Variants in PDZD9 observed in about 807,000 individuals in gnomAD.
The protein encoded by PDZD9 is PDZ domain containing 9.
In PDZD9, 13 loss-of-function variants were observed where a neutral mutation model predicts 16.3. The observed-to-expected ratio is 0.80, with a 90% CI of 0.52 to 1.27. The LOEUF (loss-of-function observed/expected upper bound fraction) is 1.27. Ranked by LOEUF, PDZD9 falls within the 50% of genes most tolerant of loss-of-function variation. PDZD9 has a pLI of 0.00. For missense variants in PDZD9, 288 were observed against 310.9 expected (o/e 0.93, Z 0.55); for synonymous variants, 120 against 111.0 (o/e 1.08, Z -0.51).
At chr16:21,957,541 A>G in the PDZD9 span, 3 of 1,613,932 alleles carry the variant, frequency 1.9e-6, no homozygotes, top group Admixed American at 5.0e-5. Flanking sequence ...GGAACCACCC[A>G]TTTGCTGCGT....
At chr16:21,993,644 G>GTAGGGAGA (rs1175139373) in intron 2 of PDZD9, among the ~76,000 whole-genome samples, 1 of 152,126 alleles carries the variant, frequency 6.6e-6, no homozygotes, top group Non-Finnish European at 1.5e-5. Context: ...TCAAAAACCT[G>GTAGGGAGA]TAGGGAGATA....
intron 1 of PDZD9, among the ~76,000 whole-genome samples, 175 bp downstream of exon 1, chr16:22,000,840 GAT>G (rs1899278896): frequency 6.6e-6 from 1 of 150,728 alleles, no homozygotes; most frequent in Non-Finnish European, 1.5e-5. Context: ...TGATGATGAT[GAT>G]GATGATGATG....
downstream of PDZD9, among the ~76,000 whole-genome samples, chr16:21,981,151 C>A (rs954331045): frequency 2.6e-5 from 4 of 152,138 alleles, no homozygotes; most frequent in African/African-American, 9.7e-5. Flanking sequence ...AATATTTCAC[C>A]ATCTAGCATC....
intron 2 of PDZD9, among the ~76,000 whole-genome samples, chr16:21,995,491 G>C (rs1301062076): frequency 1.8e-4 from 27 of 152,218 alleles, no homozygotes; most frequent in Admixed American, 1.8e-3. Flanking sequence ...TGGAATTACA[G>C]GTGTAAGCCA....
At position 21,984,436 on chromosome 16, in the gene PDZD9, T is replaced by C. The variant is rs865980860; in HGVS notation, c.626A>G (p.His209Arg). 1 of 1,614,020 alleles carries C rather than the reference T, an allele frequency of 6.2e-7. No homozygotes were observed. Among genetic ancestry groups the C allele is most frequent in the South Asian group, 1.1e-5 (1 of 91,084 alleles). ...GKDINCDVMI[H>R]RDDKKEVRAP... is the part of the protein sequence containing the mutation. ...CCTCACTTCTTTCTTGTCGTCTCTG[T>C]GAATCATCACGTCACAATTAATGTC... Residue 209 changes from histidine (H) to arginine (R), a missense_variant, in exon 4 of 4, where the codon CAC (histidine) becomes CGC (arginine). Coordinates refer to ENST00000424898, the MANE Select transcript of PDZD9 (RefSeq NM_001363519.1).
chr16:22,000,879 G>GATGATA (rs1448502730), intron 1 of PDZD9, 138 bp downstream of exon 1: 1 of 671,248 alleles, frequency 1.5e-6, no homozygotes, highest in African/African-American at 1.9e-5. Context: ...TGATGATAAT[G>GATGATA]ATGATGATGA....
chr16:21,983,165 G>A, downstream of PDZD9: 13 of 1,613,910 alleles, frequency 8.1e-6, no homozygotes, highest in Non-Finnish European at 1.1e-5. Flanking sequence ...TTGTTGATGA[G>A]TTGTAATACT....
At chr16:21,976,195 A>C in the PDZD9 span, 4 of 1,614,028 alleles carry the variant, frequency 2.5e-6, no homozygotes, top group Non-Finnish European at 3.4e-6. Flanking sequence ...AATCAAGTAA[A>C]AACAATAGCT....
chr16:21,990,152 C>T (rs975754133), intron 2 of PDZD9, among the ~76,000 whole-genome samples: 1 of 152,068 alleles, frequency 6.6e-6, no homozygotes, highest in Non-Finnish European at 1.5e-5. Context: ...AATGAGGAAC[C>T]CTGGCTGCTA....
intron 2 of PDZD9, among the ~76,000 whole-genome samples, chr16:21,993,892 A>G (rs1175886623): frequency 6.6e-6 from 1 of 152,146 alleles, no homozygotes. Flanking sequence ...GTTGGGCTCA[A>G]TGGCTCACAC....
chr16:21,957,566 G>T, the PDZD9 span: 1 of 1,613,812 alleles, frequency 6.2e-7, no homozygotes, highest in Non-Finnish European at 8.5e-7. Flanking sequence ...CATCCAGTCT[G>T]GTGAGTATCT....
the PDZD9 span, chr16:21,958,407 A>C: frequency 1.3e-6 from 1 of 795,918 alleles, no homozygotes. Flanking sequence ...ATAATTCTTA[A>C]CTAAAAAGGA....
At chr16:21,978,962 A>G (rs1898651101), downstream of PDZD9, among the ~76,000 whole-genome samples, 1 of 152,162 alleles carries the variant, frequency 6.6e-6, no homozygotes, top group Non-Finnish European at 1.5e-5. Flanking sequence ...CACCCCCGAA[A>G]CCTGCCAAAA....
chr16:21,961,665 T>C, the PDZD9 span, among the ~76,000 whole-genome samples: 1 of 121,778 alleles, frequency 8.2e-6, no homozygotes, highest in Non-Finnish European at 1.7e-5. Context: ...TATATATATA[T>C]ATATTTTAGA....
At chr16:21,960,897 C>T in the PDZD9 span, among the ~76,000 whole-genome samples, 1 of 152,132 alleles carries the variant, frequency 6.6e-6, no homozygotes, top group South Asian at 2.1e-4. Context: ...GTGGTGCAGA[C>T]ATACCTTATT....
At chr16:21,983,601 T>A (rs998013478), downstream of PDZD9, 1 of 199,466 alleles carries the variant, frequency 5.0e-6, no homozygotes, top group African/African-American at 2.3e-5. Context: ...TTTTTACCCC[T>A]GTTTTGCCTT....
chr16:21,962,339 T>C, the PDZD9 span: 1 of 1,172,970 alleles, frequency 8.5e-7, no homozygotes, highest in South Asian at 1.5e-5. Flanking sequence ...TGTTATATTA[T>C]TGTTCGCACC....
chr16:21,973,577 C>T, the PDZD9 span, among the ~76,000 whole-genome samples: 1 of 152,114 alleles, frequency 6.6e-6, no homozygotes, highest in Non-Finnish European at 1.5e-5. Context: ...CAAAGCCTAT[C>T]TATATTATAA....
chr16:21,965,332 G>T, the PDZD9 span: 37 of 1,403,984 alleles, frequency 2.6e-5, no homozygotes, highest in Non-Finnish European at 4.0e-6. Context: ...GTATAGGCTT[G>T]TTGCTTTCTA....
Sources: gnomAD v4.1 joint callset for allele counts (sites outside exome capture counted in the v4.1 genomes callset) on GRCh38, gnomAD v4.1.1 for gene constraint, MANE v1.5 for transcripts, NCBI Gene and HGNC (gene_info 2026-07-23, HGNC 2026-07-21) for gene names.